PLCB4: variants seen among roughly 807,000 people sequenced by gnomAD.
PLCB4 encodes the protein phospholipase C beta 4, also known as 1-phosphatidylinositol 4,5-bisphosphate phosphodiesterase beta-4.
In PLCB4, 77 loss-of-function variants were observed where a neutral mutation model predicts 178.8. The ratio of observed to expected loss-of-function variants is 0.43; its 90% CI spans 0.36 to 0.52. The LOEUF is 0.52. Among genes scored for constraint, PLCB4 ranks in the 20% least tolerant of loss-of-function variants. The pLI, the probability that PLCB4 is intolerant of heterozygous loss-of-function variation, is 0.00. For synonymous variants in PLCB4, 496 were observed against 490.8 expected, an observed-to-expected ratio of 1.01 and a Z score of -0.14; for missense variants, 1,024 against 1,453.4, an observed-to-expected ratio of 0.70 and a Z score of 4.80.
At position 9,387,550 on chromosome 20, in the gene PLCB4, T is replaced by G; in HGVS notation, c.1152T>G (p.Leu384=). The G allele has an allele frequency of 6.7e-7, 1 of 1,489,664 alleles. No homozygotes were observed. Among genetic ancestry groups the G allele is most frequent in the Non-Finnish European group, 9.3e-7 (1 of 1,079,152 alleles). 92.3% of individuals were successfully genotyped at this position (1,489,664 alleles called of 1,614,324 possible). A position where few individuals can be genotyped will look rare whatever the true frequency, so the allele number is the denominator to read the frequency against. ...GAAAAGCAATGTGTACAGATATCCT[T>G]TTTAAGGTAACTTTAAAAATAATTA... The part of the protein sequence containing the change: ...THGKAMCTDI[L]FKDVIQAIKE... The change falls in exon 15 of 40, where the codon CTT becomes CTG. Residue 384 remains leucine (L), a synonymous_variant. Transcript: ENST00000378473.
chr20:9,392,047 T>C (rs1170368816), intron 17 of PLCB4, among the ~76,000 whole-genome samples: 5 of 152,222 alleles, frequency 3.3e-5, no homozygotes, highest in Admixed American at 6.5e-5. Flanking sequence ...GAAACAGCTC[T>C]GATTTATTTT....
intron 21 of PLCB4, 45 bp from the exon 22 acceptor site, chr20:9,407,872 C>G: frequency 3.8e-6 from 6 of 1,567,284 alleles, no homozygotes; most frequent in Non-Finnish European, 5.2e-6. Context: ...TCCGTGGGTC[C>G]TACTGAAGTC....
chr20:9,144,719 A>AAGGGGAAGGAGGGGAAGGAGGGGAAGG (rs776725929), intron 2 of PLCB4, among the ~76,000 whole-genome samples: 8 of 55,500 alleles, frequency 1.4e-4, no homozygotes, highest in East Asian at 1.8e-3. Flanking sequence ...GAAGGGGAAG[A>AAGGGGAAGGAGGGGAAGGAGGGGAAGG]AGGGGAAGGA....
At chr20:9,157,350 A>C (rs1171977532) in intron 2 of PLCB4, among the ~76,000 whole-genome samples, 2 of 152,208 alleles carry the variant, frequency 1.3e-5, no homozygotes, top group African/African-American at 4.8e-5. Flanking sequence ...AACATTCATG[A>C]AGATAGCAAT....
intron 2 of PLCB4, among the ~76,000 whole-genome samples, chr20:9,097,608 A>G (rs956828495): frequency 2.0e-5 from 3 of 152,152 alleles, no homozygotes; most frequent in Admixed American, 6.6e-5. Context: ...TTTAATTACA[A>G]TAACAAATTC....
chr20:9,413,992 T>C (rs1338530254), intron 25 of PLCB4, among the ~76,000 whole-genome samples: 1 of 152,204 alleles, frequency 6.6e-6, no homozygotes, highest in Admixed American at 6.5e-5. Context: ...GCTCAGGCAA[T>C]CTGCCTGCCT....
intron 3 of PLCB4, among the ~76,000 whole-genome samples, chr20:9,218,179 C>T (rs375807801): frequency 2.6e-5 from 4 of 152,228 alleles, no homozygotes; most frequent in South Asian, 2.1e-4. Context: ...GGCGCAATCT[C>T]GGCTCACTGC....
chr20:9,223,714 G>C (rs1342548390), intron 3 of PLCB4, among the ~76,000 whole-genome samples: 1 of 152,178 alleles, frequency 6.6e-6, no homozygotes, highest in African/African-American at 2.4e-5. Flanking sequence ...TTTATGACTT[G>C]GCCTTGGAAG....
chr20:9,182,968 G>T (rs745498115), intron 2 of PLCB4, among the ~76,000 whole-genome samples: 2 of 152,174 alleles, frequency 1.3e-5, no homozygotes, highest in Non-Finnish European at 2.9e-5. Flanking sequence ...ACCACTCAGT[G>T]ACTTCAGGAT....
intron 3 of PLCB4, among the ~76,000 whole-genome samples, chr20:9,258,534 G>A (rs186476236): frequency 1.2e-4 from 18 of 151,950 alleles, no homozygotes; most frequent in African/African-American, 4.1e-4. Flanking sequence ...GGCCAACATG[G>A]TGAAACCCCG....
In PLCB4 at chr20:9,391,102, C is replaced by T. The variant is rs116013448; in HGVS notation, c.1323+487C>T. 3.4e-3 allele frequency among the ~76,000 whole-genome samples: 517 copies of T among 152,234 alleles called. 2 individuals are homozygous for T. The highest frequency in any genetic ancestry group is 0.012 in the African/African-American group (481 of 41,514). On this transcript the variant is annotated intron_variant, in intron 17 of 39. Coordinates refer to ENST00000378473, the MANE Select transcript of PLCB4 (RefSeq NM_001377142.1). ...TGGAAAGTGCCCTGGATTGATGTCACGACATCCTGAAGTTCATGTTCCTAA... is the reference window on the plus strand; with the variant it reads ...TGGAAAGTGCCCTGGATTGATGTCATGACATCCTGAAGTTCATGTTCCTAA...
chr20:9,384,307 T>C lies in PLCB4; in HGVS notation c.960T>C (p.Ala320=). The C allele has an allele frequency of 6.2e-7, 1 of 1,614,026 alleles. No homozygotes were observed. The highest frequency in any genetic ancestry group is 1.3e-5 in the African/African-American group (1 of 75,036). The part of the protein sequence containing the change: ...ELYQEMDHPL[A]HYFISSSHNT... ...ACCAAGAAATGGACCATCCTCTGGC[T>C]CACTACTTCATCAGTTCTTCCCATA... Residue 320 remains alanine (A), a synonymous_variant, in exon 14 of 40, where the codon GCT becomes GCC. Transcript: ENST00000378473.
chr20:9,453,297 G>A (rs1465387269), intron 32 of PLCB4, 50 bp from the exon 33 acceptor site: 1 of 1,058,614 alleles, frequency 9.4e-7, no homozygotes, highest in Admixed American at 1.8e-5. Flanking sequence ...CCTATATGGT[G>A]TGAGCCATGC....
intron 3 of PLCB4, among the ~76,000 whole-genome samples, chr20:9,306,411 C>T (rs949434653): frequency 7.9e-5 from 12 of 152,136 alleles, no homozygotes; most frequent in Admixed American, 6.6e-4. Flanking sequence ...CCACTGAGCC[C>T]GGCGTGGTGT....
intron 3 of PLCB4, among the ~76,000 whole-genome samples, chr20:9,233,244 C>T (rs2093953477): frequency 6.6e-6 from 1 of 152,010 alleles, no homozygotes; most frequent in Non-Finnish European, 1.5e-5. Context: ...ATGTTTCCGT[C>T]CTCATTAGTG....
intron 19 of PLCB4, among the ~76,000 whole-genome samples, chr20:9,396,195 C>G (rs543260510): frequency 6.6e-6 from 1 of 152,324 alleles, no homozygotes; most frequent in South Asian, 2.1e-4. Flanking sequence ...CCCTGAAGCA[C>G]TTGCTGTAGT....
intron 32 of PLCB4, among the ~76,000 whole-genome samples, chr20:9,450,239 G>A (rs186316631): frequency 1.3e-5 from 2 of 152,136 alleles, no homozygotes; most frequent in Non-Finnish European, 1.5e-5. Flanking sequence ...AGGACCAAAA[G>A]AATAAAACCA....
At position 9,435,648 on chromosome 20, in the gene PLCB4, T is replaced by C; in HGVS notation, c.2613T>C (p.Thr871=). Residue 871 remains threonine (T), a splice_region_variant and synonymous_variant, in exon 29 of 40, where the codon ACT becomes ACC. Coordinates refer to ENST00000378473, the MANE Select transcript of PLCB4 (RefSeq NM_001377142.1). ...ADQMRAMGIE[T]SDIADVPSDT... ...AAATGAGAGCTATGGGCATTGAAAC[T>C]GTAAGTAGAAATGGTTGATTAAAGG... The C allele has an allele frequency of 6.4e-7, 1 of 1,561,352 alleles. No individual in the cohort carries two copies. The highest frequency in any genetic ancestry group is 8.8e-7 in the Non-Finnish European group (1 of 1,133,898).
rs1187471299 is a variant in PLCB4 at position 9,144,714 on chromosome 20, G to T, written c.-79+48372G>T. On this transcript the variant is annotated intron_variant, in intron 2 of 39. Coordinates refer to ENST00000378473, the MANE Select transcript of PLCB4 (RefSeq NM_001377142.1). ...GAGGAGGGGAAGGAGGGGAAGAAGG[G>T]GAAGAAGGGGAAGGAGGGGAAGGAG... 5.8e-5 allele frequency among the ~76,000 whole-genome samples: 4 copies of T among 69,438 alleles called. No homozygotes were observed. In the East Asian group the frequency reaches 2.2e-3, roughly 39 times the overall value. The allele number at this position is 69,438 out of a possible 152,430, so 45.6% of individuals were successfully genotyped here.
Sources: gnomAD v4.1 joint callset for allele counts (sites outside exome capture counted in the v4.1 genomes callset) on GRCh38, gnomAD v4.1.1 for gene constraint, MANE v1.5 for transcripts, NCBI Gene and HGNC (gene_info 2026-07-23, HGNC 2026-07-21) for gene names.